The following FMN1 variants were observed in gnomAD, a reference collection of about 807,000 sequenced individuals.
The protein encoded by FMN1 is formin-1.
FMN1 carries 110 observed loss-of-function variants against 132.4 expected under a neutral mutation model. That is an observed-to-expected ratio of 0.83 (90% CI 0.71 to 0.97). The LOEUF (loss-of-function observed/expected upper bound fraction) is 0.97, where lower values mean the gene tolerates loss of function less well. FMN1 is among the 50% of genes least tolerant of loss of function. The pLI, the probability that FMN1 is intolerant of heterozygous loss-of-function variation, is 0.00. For missense variants in FMN1, 1,792 were observed against 1,705.3 expected, an observed-to-expected ratio of 1.05 and a Z score of -0.90; for synonymous variants, 722 against 651.7, an observed-to-expected ratio of 1.11 and a Z score of -1.64.
intron 17 of FMN1, among the ~76,000 whole-genome samples, chr15:32,814,463 T>C (rs2057989139): frequency 6.6e-6 from 1 of 152,156 alleles, no homozygotes; most frequent in East Asian, 1.9e-4. Flanking sequence ...GTATTTCAGG[T>C]GTCATGTAGG....
intron 3 of FMN1, among the ~76,000 whole-genome samples, chr15:33,165,425 C>T (rs1222282596): frequency 2.6e-5 from 4 of 152,204 alleles, no homozygotes; most frequent in Non-Finnish European, 4.4e-5. Flanking sequence ...GAGTCTCGCT[C>T]TGTCACCCAG....
chr15:33,012,661 A>C (rs1427261668), intron 6 of FMN1: 2 of 868,126 alleles, frequency 2.3e-6, no homozygotes, highest in Non-Finnish European at 3.9e-6. Flanking sequence ...AGCCCTGTCA[A>C]AGCAAGAGAT....
At chr15:32,791,503 A>G (rs192764314) in intron 19 of FMN1, among the ~76,000 whole-genome samples, 17 of 152,266 alleles carry the variant, frequency 1.1e-4, no homozygotes, top group African/African-American at 3.9e-4. Context: ...GATAACTATG[A>G]TCTAAATTCT....
intron 6 of FMN1, among the ~76,000 whole-genome samples, chr15:33,047,681 T>A (rs2036751723): frequency 1.3e-5 from 2 of 152,218 alleles, no homozygotes; most frequent in South Asian, 4.1e-4. Context: ...AGGAAATGAC[T>A]TTGAAGACTC....
chr15:32,801,767 C>G (rs1400272256), intron 18 of FMN1, among the ~76,000 whole-genome samples: 1 of 152,194 alleles, frequency 6.6e-6, no homozygotes, highest in Non-Finnish European at 1.5e-5. Flanking sequence ...TGCAATCCAG[C>G]CTGGGCGACA....
In FMN1 at chr15:32,776,824, A is replaced by G; in HGVS notation, c.4215+11T>C. On this transcript the variant is annotated intron_variant, in intron 20 of 20. Transcript: ENST00000616417. Reference sequence around the variant, plus strand: ...GACAATCGTTAGATTATGTTGAAAAATATATCTCACCAGGCTAGCAGTGGG... The same window carrying G: ...GACAATCGTTAGATTATGTTGAAAAGTATATCTCACCAGGCTAGCAGTGGG... The G allele has an allele frequency of 6.5e-7, 1 of 1,532,790 alleles. No individual in the cohort carries two copies. Among genetic ancestry groups the G allele is most frequent in the Non-Finnish European group, 8.9e-7 (1 of 1,118,244 alleles). The allele number at this position is 1,532,790 out of a possible 1,614,324, so 94.9% of individuals were successfully genotyped here. A position where few individuals can be genotyped will look rare whatever the true frequency, so the allele number is the denominator to read the frequency against.
chr15:32,976,882 C>T (rs909932631), intron 7 of FMN1, among the ~76,000 whole-genome samples: 2 of 152,214 alleles, frequency 1.3e-5, no homozygotes, highest in African/African-American at 4.8e-5. Context: ...TCCAAACCAA[C>T]ATGGCGTGAG....
intron 6 of FMN1, among the ~76,000 whole-genome samples, chr15:33,039,657 T>C (rs560301205): frequency 1.5e-4 from 23 of 152,278 alleles, no homozygotes; most frequent in African/African-American, 5.5e-4. Context: ...ATTATCTCCT[T>C]CTGTTCTTTT....
chr15:33,001,444 C>G (rs1310592574), intron 7 of FMN1, among the ~76,000 whole-genome samples: 1 of 152,114 alleles, frequency 6.6e-6, no homozygotes, highest in South Asian at 2.1e-4. Context: ...AAATCTCCAG[C>G]GGGAGGGTGG....
chr15:33,104,963 T>C (rs904493924), intron 4 of FMN1, among the ~76,000 whole-genome samples: 4 of 152,084 alleles, frequency 2.6e-5, no homozygotes, highest in African/African-American at 7.2e-5. Flanking sequence ...AAGCAAAAGA[T>C]AGAATGACCC....
At chr15:32,795,268 AC>A (rs1302062007) in intron 19 of FMN1, among the ~76,000 whole-genome samples, 1 of 152,140 alleles carries the variant, frequency 6.6e-6, no homozygotes, top group African/African-American at 2.4e-5. Flanking sequence ...ATAGATGTTT[AC>A]CGATTTCAAG....
rs539579719 is a variant in FMN1, at chr15:32,972,018, T to C, written c.2224-2541A>G. ...CACAAATCGGGCAGTTAAGTTCACCTCTCTGTACCTCAGTTTTTTTTGTAA... is the reference window on the plus strand; with the variant it reads ...CACAAATCGGGCAGTTAAGTTCACCCCTCTGTACCTCAGTTTTTTTTGTAA... On this transcript the variant is annotated intron_variant, in intron 7 of 20. Transcript: ENST00000616417. Among the ~76,000 whole-genome samples, 4 of 152,330 alleles carry C rather than the reference T, an allele frequency of 2.6e-5. No individual in the cohort carries two copies. The South Asian group carries it at 6.2e-4, about 24-fold the overall frequency.
chr15:33,049,966 G>C (rs979949574), intron 6 of FMN1, among the ~76,000 whole-genome samples: 2 of 152,162 alleles, frequency 1.3e-5, no homozygotes, highest in Admixed American at 1.3e-4. Context: ...TAATTCAGCT[G>C]AAGTTTTTTC....
intron 5 of FMN1, among the ~76,000 whole-genome samples, chr15:33,077,273 G>A (rs554644369): frequency 3.7e-4 from 56 of 151,196 alleles, no homozygotes; most frequent in Middle Eastern, 3.5e-3. Context: ...GGGCTCAAGC[G>A]ATCCACCTGC....
At chr15:33,166,176 G>A (rs2140310811) in intron 3 of FMN1, among the ~76,000 whole-genome samples, 1 of 152,270 alleles carries the variant, frequency 6.6e-6, no homozygotes, top group East Asian at 1.9e-4. Context: ...ACCCAAGGAG[G>A]CTAAAGGAGA....
chr15:32,884,325 A>G (rs1050932040), intron 16 of FMN1, among the ~76,000 whole-genome samples: 1 of 152,094 alleles, frequency 6.6e-6, no homozygotes, highest in African/African-American at 2.4e-5. Context: ...GGCTTCCCAC[A>G]TTCCTTGGCT....
At chr15:33,103,325 A>C (rs1401117592) in intron 4 of FMN1, among the ~76,000 whole-genome samples, 2 of 152,082 alleles carry the variant, frequency 1.3e-5, no homozygotes, top group Admixed American at 6.6e-5. Flanking sequence ...TCTATGTCCC[A>C]GTCTCCTCTG....
chr15:33,035,220 T>C (rs1014430288), intron 6 of FMN1, among the ~76,000 whole-genome samples: 1 of 152,198 alleles, frequency 6.6e-6, no homozygotes, highest in Non-Finnish European at 1.5e-5. Context: ...TCTAAACATA[T>C]TTTAAGATAT....
intron 6 of FMN1, among the ~76,000 whole-genome samples, chr15:33,057,299 T>A (rs564163660): frequency 6.3e-4 from 96 of 152,358 alleles, no homozygotes; most frequent in Admixed American, 2.7e-3. Flanking sequence ...GCTAAAGATG[T>A]ACTATTTATT....
Sources: allele counts gnomAD v4.1 joint callset (sites outside exome capture counted in the v4.1 genomes callset), GRCh38; gene constraint gnomAD v4.1.1; transcripts MANE v1.5; gene names NCBI Gene and HGNC (gene_info 2026-07-23, HGNC 2026-07-21).